The following GRM7 variants were observed in gnomAD, a reference collection of about 807,000 sequenced individuals.
GRM7 encodes glutamate metabotropic receptor 7, also known as metabotropic glutamate receptor 7.
GRM7 carries 35 observed loss-of-function variants against 84.5 expected under a neutral mutation model. That is an observed-to-expected ratio of 0.41 (90% CI 0.32 to 0.55). The LOEUF is 0.55. Among genes scored for constraint, GRM7 ranks in the 20% least tolerant of loss-of-function variants. The pLI, the probability that GRM7 is intolerant of heterozygous loss-of-function variation, is 0.19. For synonymous variants in GRM7, 487 were observed against 455.1 expected, an observed-to-expected ratio of 1.07 and a Z score of -0.89; for missense variants, 1,003 against 1,194.6, an observed-to-expected ratio of 0.84 and a Z score of 2.36.
At chr3:7,529,830 G>T (rs1295113112) in intron 7 of GRM7, among the ~76,000 whole-genome samples, 1 of 151,404 alleles carries the variant, frequency 6.6e-6, no homozygotes, top group Non-Finnish European at 1.5e-5. Flanking sequence ...ATTCTCAAAA[G>T]ACTCAACCTG....
intron 7 of GRM7, among the ~76,000 whole-genome samples, chr3:7,464,210 C>G (rs970292782): frequency 6.6e-6 from 1 of 151,700 alleles, no homozygotes; most frequent in Non-Finnish European, 1.5e-5. Flanking sequence ...GGCTCAGGGA[C>G]ATGTGTGATA....
chr3:6,952,048 G>T (rs1485588309), intron 1 of GRM7, among the ~76,000 whole-genome samples: 1 of 151,802 alleles, frequency 6.6e-6, no homozygotes, highest in African/African-American at 2.4e-5. Context: ...ATATTGTAAG[G>T]TTTACATCTA....
At chr3:6,893,482 G>A (rs915227213) in intron 1 of GRM7, among the ~76,000 whole-genome samples, 5 of 152,080 alleles carry the variant, frequency 3.3e-5, no homozygotes, top group African/African-American at 9.7e-5. Context: ...CCTAATTGAG[G>A]CAATTATCTT....
At chr3:7,252,684 T>TTCTTTTCTTTTATTCTTTTCTTTTTTTC (rs6147696) in intron 2 of GRM7, among the ~76,000 whole-genome samples, 2 of 118,236 alleles carry the variant, frequency 1.7e-5, no homozygotes, top group Admixed American at 9.8e-5. Context: ...TTCTTTTCTT[T>TTCTTTTCTTTTATTCTTTTCTTTTTTTC]TTTTCTTTTC....
At chr3:6,896,594 C>T (rs1201488233) in intron 1 of GRM7, among the ~76,000 whole-genome samples, 1 of 152,152 alleles carries the variant, frequency 6.6e-6, no homozygotes, top group African/African-American at 2.4e-5. Context: ...CAACGTCTAG[C>T]ATTTAGGAGA....
At position 6,928,441 on chromosome 3, in the gene GRM7, A is replaced by C. The variant is rs1175844864; in HGVS notation, c.519+66534A>C. Among the ~76,000 whole-genome samples, 2 of 152,214 alleles carry C rather than the reference A, an allele frequency of 1.3e-5. No homozygotes were observed. The highest frequency in any genetic ancestry group is 4.8e-5 in the African/African-American group (2 of 41,458). ...ATGGCATATGAGGAAGCAAAATCTGAGAAAGGATTTAAATGTGAAAGTCAT... is the reference window on the plus strand; with the variant it reads ...ATGGCATATGAGGAAGCAAAATCTGCGAAAGGATTTAAATGTGAAAGTCAT... On this transcript the variant is annotated intron_variant, in intron 1 of 9. Transcript: ENST00000357716. The surrounding 1 kb of genome is among the most constrained non-coding windows in gnomAD (Gnocchi z 4.5).
At chr3:7,206,857 C>G (rs1696256865) in intron 2 of GRM7, among the ~76,000 whole-genome samples, 2 of 152,114 alleles carry the variant, frequency 1.3e-5, no homozygotes, top group African/African-American at 2.4e-5. Flanking sequence ...TTCTGAAGAG[C>G]TGGCTTTACA....
intron 5 of GRM7, among the ~76,000 whole-genome samples, chr3:7,434,623 C>T (rs982920333): frequency 6.6e-6 from 1 of 152,074 alleles, no homozygotes; most frequent in South Asian, 2.1e-4. Flanking sequence ...ATTAAGTTTG[C>T]AGTCCTAGGA....
intron 4 of GRM7, among the ~76,000 whole-genome samples, chr3:7,323,695 A>G (rs866183309): frequency 5.3e-5 from 8 of 152,330 alleles, no homozygotes; most frequent in Middle Eastern, 3.4e-3. Flanking sequence ...TGGCCACATA[A>G]CGTGTCATGG....
At chr3:6,916,877 A>G (rs1446629080) in intron 1 of GRM7, among the ~76,000 whole-genome samples, 1 of 152,166 alleles carries the variant, frequency 6.6e-6, no homozygotes, top group Non-Finnish European at 1.5e-5. Context: ...AAATGTTTCT[A>G]AGAAACTGAA....
At chr3:7,650,293 T>TGTAA (rs1299258692) in intron 8 of GRM7, among the ~76,000 whole-genome samples, 6 of 152,318 alleles carry the variant, frequency 3.9e-5, no homozygotes, top group African/African-American at 1.2e-4. Flanking sequence ...TGAATGAGGA[T>TGTAA]GTAAGTCCTC....
At position 7,115,834 on chromosome 3, in the gene GRM7, G is replaced by C. The variant is rs75225912; in HGVS notation, c.520-30618G>C. Among the ~76,000 whole-genome samples, 600 of 152,264 alleles carry C rather than the reference G, an allele frequency of 3.9e-3. 6 individuals carry two copies. Among genetic ancestry groups the C allele is most frequent in the African/African-American group, 0.014 (576 of 41,560 alleles). ...AATCAATAAGCATATATGTGTCAGA[G>C]GGTTGAAATGAATCTTTCATCCTCC... On this transcript the variant is annotated intron_variant, in intron 1 of 9. Transcript: ENST00000357716.
rs531551062 is a variant in GRM7 at position 7,609,844 on chromosome 3, T to C, written c.2451+30487T>C. ...GAAACCTACTTTGACAACCACTCCT[T>C]TAAAGAAGGAAAAATAAAACAAGTG... On this transcript the variant is annotated intron_variant, in intron 8 of 9. Transcript: ENST00000357716. Among the ~76,000 whole-genome samples, 3 of 152,230 alleles carry C rather than the reference T, an allele frequency of 2.0e-5. No individual in the cohort carries two copies. The South Asian group carries it at 6.2e-4, about 32-fold the overall frequency.
intron 2 of GRM7, among the ~76,000 whole-genome samples, chr3:7,277,624 T>C (rs1257211983): frequency 6.6e-6 from 1 of 152,188 alleles, no homozygotes; most frequent in Non-Finnish European, 1.5e-5. Flanking sequence ...ATTTCCTTTC[T>C]TACACATTTT....
chr3:7,550,466 C>T (rs1476488613), intron 7 of GRM7, among the ~76,000 whole-genome samples: 1 of 140,128 alleles, frequency 7.1e-6, no homozygotes, highest in African/African-American at 2.7e-5. Context: ...TTCTCTCCCT[C>T]TCTCCTTTCT....
intron 5 of GRM7, among the ~76,000 whole-genome samples, chr3:7,444,480 A>T (rs890824855): frequency 3.3e-5 from 5 of 152,180 alleles, no homozygotes; most frequent in African/African-American, 1.2e-4. Context: ...GTAACAAGGT[A>T]TATTAAGTTT....
At chr3:7,525,825 G>T (rs932558131) in intron 7 of GRM7, among the ~76,000 whole-genome samples, 6 of 151,000 alleles carry the variant, frequency 4.0e-5, no homozygotes, top group Admixed American at 2.6e-4. Context: ...TTTTATTTCT[G>T]TATTGATTCA....
At chr3:6,932,102 A>T (rs1333611365) in intron 1 of GRM7, among the ~76,000 whole-genome samples, 3 of 152,240 alleles carry the variant, frequency 2.0e-5, no homozygotes, top group Admixed American at 2.0e-4. Context: ...AAGAAAAGTT[A>T]AACACTGCAA....
intron 1 of GRM7, among the ~76,000 whole-genome samples, chr3:6,933,691 T>G (rs1240267941): frequency 6.6e-6 from 1 of 151,982 alleles, no homozygotes; most frequent in African/African-American, 2.4e-5. Context: ...AATACTTGTT[T>G]TGTAATCAGG....
Sources: allele counts gnomAD v4.1 joint callset (sites outside exome capture counted in the v4.1 genomes callset), GRCh38; gene constraint gnomAD v4.1.1; non-coding constraint Gnocchi (gnomAD v3.1); transcripts MANE v1.5; gene names NCBI Gene and HGNC (gene_info 2026-07-23, HGNC 2026-07-21).